The following MAP3K5 variants were observed in gnomAD, a reference collection of about 807,000 sequenced individuals.
MAP3K5 encodes mitogen-activated protein kinase kinase kinase 5, also known as ASK-1.
Under a neutral mutation model 158.7 loss-of-function variants are expected in MAP3K5, and 56 were observed. That is an observed-to-expected ratio of 0.35 (90% CI 0.28 to 0.44). The LOEUF (loss-of-function observed/expected upper bound fraction) is 0.44. Ranked by LOEUF, MAP3K5 falls within the 20% of genes least tolerant of loss-of-function variation. The probability of loss-of-function intolerance (pLI) is 1.00; values close to 1 mark genes in which losing one functional copy is unlikely to be tolerated. For synonymous variants in MAP3K5, 579 were observed against 601.7 expected (o/e 0.96, Z 0.55); for missense variants, 1,294 against 1,674.8 (o/e 0.77, Z 3.97).
intron 2 of MAP3K5, among the ~76,000 whole-genome samples, chr6:136,706,455 GA>G (rs1428164305): frequency 5.3e-5 from 8 of 152,194 alleles, no homozygotes; most frequent in African/African-American, 1.9e-4. Context: ...AGACGATCTA[GA>G]AAAGCCTGTT....
At chr6:136,690,501 TG>T (rs1780339436) in intron 7 of MAP3K5, among the ~76,000 whole-genome samples, 1 of 152,194 alleles carries the variant, frequency 6.6e-6, no homozygotes, top group South Asian at 2.1e-4. Flanking sequence ...TCTAACATCC[TG>T]GCTAACAATT....
intron 1 of MAP3K5, among the ~76,000 whole-genome samples, chr6:136,787,795 C>G (rs1014306505): frequency 6.6e-6 from 1 of 152,336 alleles, no homozygotes; most frequent in Non-Finnish European, 1.5e-5. Context: ...AAACTCGGAT[C>G]TAATATGAGG....
intron 14 of MAP3K5, among the ~76,000 whole-genome samples, chr6:136,628,950 A>G (rs1169954498): frequency 6.6e-6 from 1 of 152,256 alleles, no homozygotes; most frequent in Non-Finnish European, 1.5e-5. Context: ...ATAGTAGAAG[A>G]GAGGGTTTTA....
intron 1 of MAP3K5, among the ~76,000 whole-genome samples, chr6:136,757,649 G>A (rs1009483885): frequency 9.6e-5 from 14 of 145,870 alleles, no homozygotes; most frequent in Non-Finnish European, 1.5e-4. Context: ...GTGCAGTAGC[G>A]CAATCTTGGC....
At chr6:136,669,535 T>C (rs1372999117) in intron 7 of MAP3K5, 140 bp from the exon 8 acceptor site, 9 of 603,776 alleles carry the variant, frequency 1.5e-5, no homozygotes, top group Non-Finnish European at 2.6e-5. Flanking sequence ...TGGTGTGCTA[T>C]TAGGACTTAA....
chr6:136,681,741 T>C lies in MAP3K5; in HGVS notation c.1254-12346A>G, dbSNP rs189955545. On this transcript the variant is annotated intron_variant, in intron 7 of 29. Coordinates refer to ENST00000359015, the MANE Select transcript of MAP3K5 (RefSeq NM_005923.4). ...GCCATCCTGGCTAACATGGTGAAAC[T>C]CCGTCTCTACTAAAAATACAAACAA... Among the ~76,000 whole-genome samples the C allele has an allele frequency of 5.1e-4, 78 of 152,096 alleles. 1 individual carries two copies. Among genetic ancestry groups the C allele is most frequent in the Admixed American group, 2.6e-3 (40 of 15,274 alleles).
chr6:136,669,409 C>A lies in MAP3K5; in HGVS notation c.1254-14G>T. Reference sequence around the variant, plus strand: ...GCCTTTTTGAACCTATAAAAAACCACAAATGTACAAGTTAACTTTCTCAAT... The same window carrying A: ...GCCTTTTTGAACCTATAAAAAACCAAAAATGTACAAGTTAACTTTCTCAAT... On this transcript the variant is annotated splice_polypyrimidine_tract_variant and intron_variant, in intron 7 of 29. Coordinates refer to ENST00000359015, the MANE Select transcript of MAP3K5 (RefSeq NM_005923.4). The A allele has an allele frequency of 7.0e-7, 1 of 1,437,074 alleles. No individual in the cohort carries two copies. The highest frequency in any genetic ancestry group is 9.8e-7 in the Non-Finnish European group (1 of 1,021,008). The allele number at this position is 1,437,074 out of a possible 1,614,324, so 89.0% of individuals were successfully genotyped here.
At chr6:136,736,965 T>C (rs1433030145) in intron 1 of MAP3K5, among the ~76,000 whole-genome samples, 2 of 151,122 alleles carry the variant, frequency 1.3e-5, no homozygotes, top group Non-Finnish European at 2.9e-5. Context: ...GGTACGGATA[T>C]GAGCCACTGT....
chr6:136,762,827 C>T (rs913792878), intron 1 of MAP3K5, among the ~76,000 whole-genome samples: 1 of 152,158 alleles, frequency 6.6e-6, no homozygotes, highest in African/African-American at 2.4e-5. Context: ...CTGGAGGTTT[C>T]TAGCACCATT....
chr6:136,603,748 A>G (rs995913062), intron 19 of MAP3K5, among the ~76,000 whole-genome samples: 26 of 152,246 alleles, frequency 1.7e-4, no homozygotes, highest in Non-Finnish European at 4.4e-5. Context: ...AGTCCTAGAC[A>G]CTGGAGAAAA....
chr6:136,642,223 A>G (rs999467238), intron 12 of MAP3K5, among the ~76,000 whole-genome samples: 1 of 151,996 alleles, frequency 6.6e-6, no homozygotes, highest in African/African-American at 2.4e-5. Flanking sequence ...GCTAAAGAGG[A>G]CCTCCACATG....
chr6:136,769,058 T>A (rs1784072989), intron 1 of MAP3K5, among the ~76,000 whole-genome samples: 1 of 152,196 alleles, frequency 6.6e-6, no homozygotes, highest in Non-Finnish European at 1.5e-5. Context: ...GACATGGATA[T>A]TCATGGTTTA....
rs753881634 is a variant in MAP3K5 at position 136,791,897 on chromosome 6, GC to G, written c.260del (p.Gly87AlafsTer10). ...CATATGCCACCGTGGTCCGTCGGCT[GC>G]CCCCGCCAACAGAGCTGCCCCGGCC... ...TRGRGSSVGG[G>X]SRRTTVAYVI... On this transcript the variant is annotated frameshift_variant, in exon 1 of 30. Coordinates refer to ENST00000359015, the MANE Select transcript of MAP3K5 (RefSeq NM_005923.4). LOFTEE classifies it high-confidence loss of function. The G allele has an allele frequency of 6.2e-7, 1 of 1,613,164 alleles. No homozygotes were observed. Among genetic ancestry groups the G allele is most frequent in the South Asian group, 1.1e-5 (1 of 91,062 alleles).
At chr6:136,603,319 C>T (rs1334661296) in intron 19 of MAP3K5, among the ~76,000 whole-genome samples, 1 of 151,212 alleles carries the variant, frequency 6.6e-6, no homozygotes, top group Non-Finnish European at 1.5e-5. Flanking sequence ...ATTACAGGTG[C>T]CTGCCACTGT....
chr6:136,781,265 G>C lies in MAP3K5; in HGVS notation c.448+10445C>G, dbSNP rs536463138. On this transcript the variant is annotated intron_variant, in intron 1 of 29. Coordinates refer to ENST00000359015, the MANE Select transcript of MAP3K5 (RefSeq NM_005923.4). ...GAAGAAAGCCCAACTTACAACTTAAGGCCAAGCAACTGGCAACCACTATTG... is the reference window on the plus strand; with the variant it reads ...GAAGAAAGCCCAACTTACAACTTAACGCCAAGCAACTGGCAACCACTATTG... Among the ~76,000 whole-genome samples, 3 of 152,268 alleles carry C rather than the reference G, an allele frequency of 2.0e-5. No individual in the cohort carries two copies. The South Asian group carries it at 6.2e-4, about 32-fold the overall frequency.
intron 1 of MAP3K5, among the ~76,000 whole-genome samples, chr6:136,727,044 T>C (rs1232138296): frequency 6.6e-6 from 1 of 152,202 alleles, no homozygotes. Flanking sequence ...AATATTTCAT[T>C]ACCTAACTAA....
intron 8 of MAP3K5, among the ~76,000 whole-genome samples, chr6:136,666,831 G>A (rs1246329085): frequency 6.6e-6 from 1 of 152,104 alleles, no homozygotes; most frequent in African/African-American, 2.4e-5. Context: ...GCCTAAAACA[G>A]TTCTCATGAT....
chr6:136,636,236 A>G (rs1292890600), intron 14 of MAP3K5, among the ~76,000 whole-genome samples: 2 of 152,056 alleles, frequency 1.3e-5, no homozygotes, highest in African/African-American at 4.8e-5. Context: ...GAGACCACAG[A>G]GAGCTAGCCA....
rs552803646 is a variant in MAP3K5, at chr6:136,757,592, T to A, written c.448+34118A>T. Among the ~76,000 whole-genome samples, 484 of 147,186 alleles carry A rather than the reference T, an allele frequency of 3.3e-3. 4 individuals are homozygous for A. The highest frequency in any genetic ancestry group is 0.012 in the East Asian group (60 of 5,130). On this transcript the variant is annotated intron_variant, in intron 1 of 29. Coordinates refer to ENST00000359015, the MANE Select transcript of MAP3K5 (RefSeq NM_005923.4). ...ATTTATTTATTTATTTTTTATTTTT[T>A]TTTTTTTTTTTTGAGACGGAGTTTC...
Sources: allele counts gnomAD v4.1 joint callset (sites outside exome capture counted in the v4.1 genomes callset), GRCh38; gene constraint gnomAD v4.1.1; transcripts MANE v1.5; gene names NCBI Gene and HGNC (gene_info 2026-07-23, HGNC 2026-07-21).